Variants in TGFBI observed in about 807,000 individuals in gnomAD.
TGFBI encodes the protein transforming growth factor-beta-induced protein ig-h3.
Under a neutral mutation model 73.7 loss-of-function variants are expected in TGFBI, and 50 were observed. The observed-to-expected ratio is 0.68, with a 90% confidence interval of 0.54 to 0.86. TGFBI has a LOEUF of 0.86. Ranked by LOEUF, TGFBI falls within the 40% of genes least tolerant of loss-of-function variation. The probability of loss-of-function intolerance (pLI) is 0.00; values close to 1 mark genes in which losing one functional copy is unlikely to be tolerated. For missense variants in TGFBI, 839 were observed against 877.0 expected, an observed-to-expected ratio of 0.96 and a Z score of 0.55; for synonymous variants, 362 against 360.5, an observed-to-expected ratio of 1.00 and a Z score of -0.05.
At chr5:136,035,251 A>G (rs1751192884) in intron 2 of TGFBI, among the ~76,000 whole-genome samples, 1 of 152,208 alleles carries the variant, frequency 6.6e-6, no homozygotes, top group Non-Finnish European at 1.5e-5. Flanking sequence ...ACCCAGCGAT[A>G]TTCTTGCTGC....
intron 2 of TGFBI, among the ~76,000 whole-genome samples, chr5:136,041,543 A>G (rs1044787398): frequency 2.6e-5 from 4 of 152,190 alleles, no homozygotes; most frequent in African/African-American, 9.7e-5. Context: ...GAGCAATGGA[A>G]AAAGGATTGG....
chr5:136,056,817 C>G (rs201518300), intron 12 of TGFBI, 22 bp downstream of exon 12: 1 of 1,601,180 alleles, frequency 6.2e-7, no homozygotes, highest in Non-Finnish European at 8.5e-7. Flanking sequence ...CTTAAGTACA[C>G]GTCTCCATTT....
intron 8 of TGFBI, 150 bp downstream of exon 8, chr5:136,053,269 G>A (rs1580718723): frequency 1.4e-6 from 1 of 721,266 alleles, no homozygotes; most frequent in East Asian, 2.7e-5. Context: ...AAATGTGTGG[G>A]TTGTGACCAG....
intron 2 of TGFBI, among the ~76,000 whole-genome samples, chr5:136,037,172 T>C (rs1228085539): frequency 1.3e-5 from 2 of 152,208 alleles, no homozygotes; most frequent in Non-Finnish European, 2.9e-5. Flanking sequence ...CAAGCTGACA[T>C]ATGGACTTTA....
Position 136,058,498 on chromosome 5 carries a change from G to A in TGFBI, c.1679-592G>A, listed in dbSNP as rs150033280. The stretch of plus-strand genomic sequence containing the variant: ...GCTGAAAGGAATGCTGAGACGTGAC[G>A]AGGAGAGATGCTGCGGAGGGAATAT... On this transcript the variant is annotated intron_variant, in intron 12 of 16. Coordinates refer to ENST00000442011, the MANE Select transcript of TGFBI (RefSeq NM_000358.3). 1.8e-3 allele frequency among the ~76,000 whole-genome samples: 277 copies of A among 152,286 alleles called. 3 individuals are homozygous for A. Among genetic ancestry groups the A allele is most frequent in the East Asian group, 0.015 (80 of 5,178 alleles).
intron 6 of TGFBI, chr5:136,048,016 G>C (rs1468266660): frequency 6.6e-6 from 1 of 152,432 alleles, no homozygotes; most frequent in Non-Finnish European, 1.5e-5. Flanking sequence ...GACTGCTCAG[G>C]AGGAAGTGGA....
chr5:136,052,077 G>GT (rs1751546931), intron 7 of TGFBI, among the ~76,000 whole-genome samples: 1 of 152,224 alleles, frequency 6.6e-6, no homozygotes, highest in African/African-American at 2.4e-5. Context: ...GGTTGGGGGG[G>GT]GCTCCTCCTC....
intron 13 of TGFBI, among the ~76,000 whole-genome samples, 158 bp downstream of exon 13, chr5:136,059,372 G>C (rs142087665): frequency 1.3e-5 from 2 of 152,224 alleles, no homozygotes; most frequent in Non-Finnish European, 2.9e-5. Flanking sequence ...AAGAGAAGAG[G>C]GTCTTCAGGG....
chr5:136,047,224 A>G (rs773073495), intron 5 of TGFBI, 50 bp from the exon 6 acceptor site: 1 of 1,604,870 alleles, frequency 6.2e-7, no homozygotes, highest in South Asian at 1.1e-5. Flanking sequence ...GGGCTTTGGG[A>G]CTATGCCTCT....
chr5:136,055,879 G>A, intron 11 of TGFBI, 63 bp downstream of exon 11: 3 of 1,507,910 alleles, frequency 2.0e-6, no homozygotes, highest in Non-Finnish European at 1.8e-6. Context: ...GGGATGTGGG[G>A]CCCCAGCTAT....
intron 10 of TGFBI, 106 bp from the exon 11 acceptor site, chr5:136,055,574 C>A: frequency 9.1e-7 from 1 of 1,093,224 alleles, no homozygotes; most frequent in South Asian, 2.9e-5. Context: ...AGTGTATACT[C>A]CTTCATCTTC....
chr5:136,032,745 C>T (rs45481691), intron 1 of TGFBI, among the ~76,000 whole-genome samples: 3,211 of 152,180 alleles, frequency 0.021, 104 homozygotes, highest in East Asian at 0.082. Flanking sequence ...TGACTGACCA[C>T]GCCTCTCCTG....
Position 136,063,315 on chromosome 5 carries a change from C to G in TGFBI, c.*89C>G, listed in dbSNP as rs1751783942. The G allele has an allele frequency of 8.3e-7, 1 of 1,211,608 alleles. No individual in the cohort carries two copies. The highest frequency in any genetic ancestry group is 1.5e-5 in the African/African-American group (1 of 66,926). 75.1% of individuals were successfully genotyped at this position (1,211,608 alleles called of 1,614,324 possible). ...AGAGACTGTTTGAATGTTTTCAAAA[C>G]CAAGTATCACACTTTAATGTACATG... On this transcript the variant is annotated 3_prime_UTR_variant, in exon 17 of 17. Coordinates refer to ENST00000442011, the MANE Select transcript of TGFBI (RefSeq NM_000358.3).
Position 136,051,826 on chromosome 5 carries a change from C to G in TGFBI, c.914-1081C>G, listed in dbSNP as rs45594639. On this transcript the variant is annotated intron_variant, in intron 7 of 16. Transcript: ENST00000442011. ...ATCCCCAAGGCCTCATTCCCATAGG[C>G]CTTCTCACCCTTTTTCTTTCCCTCT... Among the ~76,000 whole-genome samples, 1,199 of 152,364 alleles carry G rather than the reference C, an allele frequency of 7.9e-3. 7 individuals carry two copies. The highest frequency in any genetic ancestry group is 9.5e-3 in the Non-Finnish European group (645 of 68,038).
intron 2 of TGFBI, among the ~76,000 whole-genome samples, chr5:136,039,349 T>C (rs943005862): frequency 3.9e-5 from 6 of 152,206 alleles, no homozygotes; most frequent in African/African-American, 1.4e-4. Flanking sequence ...GTCTGTCCAC[T>C]TCCTTTTGCT....
intron 2 of TGFBI, among the ~76,000 whole-genome samples, chr5:136,043,115 T>G (rs1751367779): frequency 6.6e-6 from 1 of 152,238 alleles, no homozygotes; most frequent in Non-Finnish European, 1.5e-5. Context: ...TGTTTGCATT[T>G]GGTTCCAGGC....
intron 8 of TGFBI, 110 bp downstream of exon 8, chr5:136,053,229 G>C (rs1221083282): frequency 2.0e-6 from 2 of 1,007,116 alleles, no homozygotes; most frequent in Non-Finnish European, 3.0e-6. Flanking sequence ...TTCCCTGCCT[G>C]GACCCAGCTC....
rs368481276 is a variant in TGFBI at position 136,046,398 on chromosome 5, A to G, written c.362A>G (p.Tyr121Cys). Reference sequence around the variant, plus strand: ...GTTGGATCCACCACCACTCAGCTGTACACGGACCGCACGGAGAAGCTGAGG... The same window carrying G: ...GTTGGATCCACCACCACTCAGCTGTGCACGGACCGCACGGAGAAGCTGAGG... ...GVVGSTTTQL[Y>C]TDRTEKLRPE... The change falls in exon 4 of 17, where the codon TAC becomes TGC. Residue 121 changes from tyrosine (Y) to cysteine (C), a missense_variant. Coordinates refer to ENST00000442011, the MANE Select transcript of TGFBI (RefSeq NM_000358.3). The G allele has an allele frequency of 2.2e-5, 36 of 1,613,818 alleles. No individual in the cohort carries two copies. Among genetic ancestry groups the G allele is most frequent in the Non-Finnish European group, 2.9e-5 (34 of 1,179,880 alleles).
At chr5:136,056,910 C>A in intron 12 of TGFBI, 115 bp downstream of exon 12, 1 of 1,333,552 alleles carries the variant, frequency 7.5e-7, no homozygotes, top group Non-Finnish European at 1.0e-6. Context: ...TATGACAAGA[C>A]TATTAGTGAA....
Sources: allele counts gnomAD v4.1 joint callset (sites outside exome capture counted in the v4.1 genomes callset), GRCh38; gene constraint gnomAD v4.1.1; transcripts MANE v1.5; gene names NCBI Gene and HGNC (gene_info 2026-07-23, HGNC 2026-07-21).